The following L1CAM variants were observed in gnomAD, a reference collection of about 807,000 sequenced individuals.
L1CAM encodes the protein L1 cell adhesion molecule, also known as neural cell adhesion molecule L1.
L1CAM carries 8 observed loss-of-function variants against 93.0 expected under a neutral mutation model. The observed-to-expected ratio is 0.09, with a 90% CI of 0.05 to 0.16. The LOEUF is 0.16. L1CAM is among the 10% of genes least tolerant of loss of function. The pLI is 1.00. For synonymous variants in L1CAM, 453 were observed against 453.0 expected (o/e 1.00, Z 0.00); for missense variants, 777 against 1,073.4 (o/e 0.72, Z 3.86).
rs868915403 is a variant in L1CAM, at chrX:153,885,787, C to A, written c.-109+278G>T. On this transcript the variant is annotated intron_variant, in intron 1 of 28. Coordinates refer to ENST00000370060, the MANE Select transcript of L1CAM (RefSeq NM_001278116.2). ...CCACACAGACCCTGCCTGACGCCCC[C>A]CGCCCTGTTCTCCCGCCCAGGCCAG... The A allele has an allele frequency of 1.3e-5, 10 of 799,566 alleles. No individual in the cohort carries two copies. In the Middle Eastern group the frequency reaches 2.9e-3, roughly 231 times the overall value. The allele number at this position is 799,566 out of a possible 1,213,427, so 65.9% of individuals were successfully genotyped here.
chrX:153,873,913 C>T (rs1190821679), intron 2 of L1CAM, among the ~76,000 whole-genome samples: 1 of 112,451 alleles, frequency 8.9e-6, no homozygotes, highest in Non-Finnish European at 1.9e-5. Flanking sequence ...AGAGCACTGG[C>T]CAGGGCGGCC....
At chrX:153,869,134 C>T in intron 11 of L1CAM, 182 bp from the exon 12 acceptor site, 1 of 470,845 alleles carries the variant, frequency 2.1e-6, no homozygotes, top group Non-Finnish European at 3.8e-6. Context: ...TGCCCTCTGC[C>T]TCAGATGCGC....
intron 19 of L1CAM, 120 bp downstream of exon 19, chrX:153,866,529 A>G: frequency 2.0e-6 from 1 of 508,637 alleles, no homozygotes; most frequent in Non-Finnish European, 3.4e-6. Flanking sequence ...CGCTCTGGTT[A>G]TGTAAGAGAA....
rs1557094450 is a variant in L1CAM, at chrX:153,875,884, C to T, written c.-48G>A. ...CACAGCCAGCCGGGCTCGGTTCAGG[C>T]TCCGGCCGGAGGGGAAGGGGGCTGG... On this transcript the variant is annotated 5_prime_UTR_variant, in exon 2 of 29. Coordinates refer to ENST00000370060, the MANE Select transcript of L1CAM (RefSeq NM_001278116.2). The T allele has an allele frequency of 2.0e-5, 23 of 1,151,941 alleles. No individual in the cohort carries two copies. Among genetic ancestry groups the T allele is most frequent in the Non-Finnish European group, 2.7e-5 (23 of 851,342 alleles). The allele number at this position is 1,151,941 out of a possible 1,213,427, so 94.9% of individuals were successfully genotyped here. A position where few individuals can be genotyped will look rare whatever the true frequency, so the allele number is the denominator to read the frequency against.
Position 153,870,471 on chromosome X carries a change from G to A in L1CAM, c.723C>T (p.Arg241=), listed in dbSNP as rs782452319. The change falls in exon 8 of 29, where the codon CGC becomes CGT. Residue 241 remains arginine, a synonymous_variant. Transcript: ENST00000370060. ...TGCTGGAGTTGGTGGGGAAGAGCAG[G>A]CGCGGCTTCCTGTCAATCATGCTGT... ...ATNSMIDRKP[R]LLFPTNSSSH... The A allele has an allele frequency of 8.3e-7, 1 of 1,211,586 alleles. No individual in the cohort carries two copies. The highest frequency in any genetic ancestry group is 1.7e-5 in the African/African-American group (1 of 57,875).
At chrX:153,875,174 GC>G (rs1455716927) in intron 2 of L1CAM, among the ~76,000 whole-genome samples, 1 of 111,679 alleles carries the variant, frequency 9.0e-6, no homozygotes, top group Non-Finnish European at 1.9e-5. Context: ...TGCTCCAGCA[GC>G]CCTGCCCCCA....
Position 153,870,097 on chromosome X carries a change from G to A in L1CAM, c.950C>T (p.Ser317Leu), listed in dbSNP as rs781935859. The A allele has an allele frequency of 5.0e-6, 6 of 1,210,518 alleles. No homozygotes were observed. In the Admixed American group the frequency reaches 1.3e-4, roughly 26 times the overall value. ...GTACGCATGCCGGGCACTGCCCAGT[G>A]AGTTCTCGGCCAGGCAGCGGTACTC... ...DGEYRCLAEN[S>L]LGSARHAYYV... The change falls in exon 9 of 29, where the codon TCA becomes TTA. Residue 317 changes from serine (S) to leucine (L), a missense_variant. This residue lies in a region of L1CAM where 574 missense variants were observed against 781.0 expected (regional missense o/e 0.73). Coordinates refer to ENST00000370060, the MANE Select transcript of L1CAM (RefSeq NM_001278116.2).
In L1CAM at chrX:153,867,521, C is replaced by T. The variant is rs2064725346; in HGVS notation, c.1972G>A (p.Ala658Thr). 3 of 1,211,241 alleles carry T rather than the reference C, an allele frequency of 2.5e-6. No individual in the cohort carries two copies. Among genetic ancestry groups the T allele is most frequent in the Non-Finnish European group, 2.2e-6 (2 of 894,835 alleles). ...CCCAGACTGTACCATTTTTCAGGCG[C>T]CATTTCCTTGTCCTCAAATTCAATG... The part of the protein sequence containing the change: ...YDIEFEDKEM[A>T]PEKWYSLGKV... The change falls in exon 17 of 29, where the codon GCG (alanine) becomes ACG (threonine). Residue 658 changes from alanine to threonine, a missense_variant. By Grantham distance (58) the Ala-to-Thr change is moderately conservative. This residue lies in a region of L1CAM where 574 missense variants were observed against 781.0 expected (regional missense o/e 0.73). Transcript: ENST00000370060.
intron 1 of L1CAM, among the ~76,000 whole-genome samples, chrX:153,882,005 C>G (rs933991790): frequency 9.0e-6 from 1 of 111,298 alleles, no homozygotes; most frequent in Non-Finnish European, 1.9e-5. Context: ...AAAAGGAGAG[C>G]AGGGAAGGAG....
intron 2 of L1CAM, among the ~76,000 whole-genome samples, chrX:153,875,329 T>C (rs1455562456): frequency 8.9e-6 from 1 of 111,974 alleles, no homozygotes; most frequent in Non-Finnish European, 1.9e-5. Context: ...GGGACAAGAC[T>C]TGAACACAGG....
chrX:153,864,113 G>C, intron 25 of L1CAM, 96 bp from the exon 26 acceptor site: 13 of 1,136,553 alleles, frequency 1.1e-5, no homozygotes, highest in Non-Finnish European at 1.6e-5. Flanking sequence ...CCTCTGGGGG[G>C]CTAAGGAGTG....
At chrX:153,872,839 A>G (rs1005860404) in intron 3 of L1CAM, 142 bp from the exon 4 acceptor site, 15 of 526,624 alleles carry the variant, frequency 2.8e-5, no homozygotes, top group Non-Finnish European at 5.1e-5. Flanking sequence ...GAGGGGAAGA[A>G]CAAAAGAGGC....
At position 153,862,732 on chromosome X, in the gene L1CAM, C is replaced by T. The variant is rs199706845; in HGVS notation, c.3705G>A (p.Lys1235=). The change falls in exon 29 of 29, where the codon AAG becomes AAA. Residue 1235 remains lysine, a synonymous_variant. Transcript: ENST00000370060. ...AGCTGTCATTGCCCCCTGCCGCCTC[C>T]TTCTCCTTCTTGCCACTGTACTGGC... ...FIGQYSGKKE[K]EAAGGNDSSG... 3.9e-5 allele frequency: 47 copies of T among 1,211,213 alleles called. No individual in the cohort carries two copies. In the South Asian group the frequency reaches 7.6e-4, roughly 19 times the overall value.
chrX:153,865,019 T>C (rs2064699353), intron 22 of L1CAM, 25 bp from the exon 23 acceptor site: 3 of 1,210,991 alleles, frequency 2.5e-6, no homozygotes, highest in Admixed American at 2.2e-5. Flanking sequence ...AGGGGTTGGC[T>C]GTGGCTGCAG....
In L1CAM at chrX:153,863,848, G is replaced by A. The variant is rs201265730; in HGVS notation, c.3457+35C>T. 2.6e-4 allele frequency: 314 copies of A among 1,209,510 alleles called. 2 individuals carry two copies. In the African/African-American group the frequency reaches 5.0e-3, roughly 19 times the overall value. On this transcript the variant is annotated intron_variant, in intron 26 of 28. Transcript: ENST00000370060. ...GGGCGAGGTGCTCCTCTCTGCCCTC[G>A]GCTCCACCCCCGTCACGTGGGGCTC...
At position 153,870,093 on chromosome X, in the gene L1CAM, C is replaced by T. The variant is rs2148497882; in HGVS notation, c.954G>A (p.Leu318=). ...GEYRCLAENS[L]GSARHAYYVT... is the part of the protein sequence containing the mutation. Reference sequence around the variant, plus strand: ...CATAGTACGCATGCCGGGCACTGCCCAGTGAGTTCTCGGCCAGGCAGCGGT... The same window carrying T: ...CATAGTACGCATGCCGGGCACTGCCTAGTGAGTTCTCGGCCAGGCAGCGGT... The change falls in exon 9 of 29, where the codon CTG becomes CTA. Residue 318 remains leucine (L), a synonymous_variant. Coordinates refer to ENST00000370060, the MANE Select transcript of L1CAM (RefSeq NM_001278116.2). 1.7e-6 allele frequency: 2 copies of T among 1,211,997 alleles called. No individual in the cohort carries two copies. Among genetic ancestry groups the T allele is most frequent in the Non-Finnish European group, 1.1e-6 (1 of 895,555 alleles).
rs1011270173 is a variant in L1CAM, at chrX:153,868,474, G to A, written c.1547-16C>T. 2.5e-6 allele frequency: 3 copies of A among 1,211,931 alleles called. No individual in the cohort carries two copies. The highest frequency in any genetic ancestry group is 2.2e-6 in the Non-Finnish European group (2 of 895,435). On this transcript the variant is annotated splice_polypyrimidine_tract_variant and intron_variant, in intron 13 of 28. Transcript: ENST00000370060. The stretch of plus-strand genomic sequence containing the variant: ...TGAGTTGCATCTGAGGGTAATGCGT[G>A]CGTGGGGAAGTCACTCTGTTGTCCT...
intron 17 of L1CAM, 25 bp downstream of exon 17, chrX:153,867,331 G>GCC (rs2064723027): frequency 8.5e-7 from 1 of 1,180,138 alleles, no homozygotes; most frequent in Non-Finnish European, 1.1e-6. Context: ...CAGGTGGCAT[G>GCC]GGAGTGGGTG....
At chrX:153,883,077 GC>G (rs1353643398) in intron 1 of L1CAM, among the ~76,000 whole-genome samples, 5 of 111,750 alleles carry the variant, frequency 4.5e-5, no homozygotes, top group Non-Finnish European at 7.5e-5. Flanking sequence ...CTCAGACAAG[GC>G]CCCCATGGGG....
Sources: gnomAD v4.1 joint callset for allele counts (sites outside exome capture counted in the v4.1 genomes callset) on GRCh38, gnomAD v4.1.1 for gene constraint, gnomAD v4.1.1 regional missense constraint, MANE v1.5 for transcripts, NCBI Gene and HGNC (gene_info 2026-07-23, HGNC 2026-07-21) for gene names.